The following DTNB variants were observed in gnomAD, a reference collection of about 807,000 sequenced individuals.
The protein encoded by DTNB is dystrobrevin beta, also known as DTN-B.
A neutral mutation model predicts 90.7 loss-of-function variants in DTNB; 63 were observed. The observed-to-expected ratio is 0.69, with a 90% CI of 0.57 to 0.86. The LOEUF is 0.86. DTNB is among the 40% of genes least tolerant of loss of function. The pLI, the probability that DTNB is intolerant of heterozygous loss-of-function variation, is 0.00. For missense variants in DTNB, 744 were observed against 807.1 expected (o/e 0.92, Z 0.95); for synonymous variants, 277 against 286.7 (o/e 0.97, Z 0.34).
intron 15 of DTNB, among the ~76,000 whole-genome samples, chr2:25,420,472 ATCT>A (rs1558447290): frequency 1.6e-3 from 66 of 40,228 alleles, no homozygotes; most frequent in African/African-American, 4.0e-3. Flanking sequence ...AAATCAATCT[ATCT>A]ATCTATCTAT....
At chr2:25,454,977 GT>G (rs766977625) in intron 11 of DTNB, among the ~76,000 whole-genome samples, 2 of 152,168 alleles carry the variant, frequency 1.3e-5, no homozygotes, top group Non-Finnish European at 2.9e-5. Flanking sequence ...TAGGGTGACA[GT>G]ATCAAAGTCC....
At chr2:25,457,326 T>C (rs1180327055) in intron 10 of DTNB, among the ~76,000 whole-genome samples, 2 of 152,276 alleles carry the variant, frequency 1.3e-5, no homozygotes, top group African/African-American at 4.8e-5. Context: ...TTTTGTTTGT[T>C]ATATATCCTG....
At chr2:25,432,711 T>G (rs1393245906) in intron 14 of DTNB, among the ~76,000 whole-genome samples, 175 bp downstream of exon 14, 3 of 152,194 alleles carry the variant, frequency 2.0e-5, no homozygotes, top group African/African-American at 7.2e-5. Context: ...TAGAGTGATC[T>G]CTAATGGAAC....
intron 9 of DTNB, among the ~76,000 whole-genome samples, chr2:25,486,907 A>G (rs1456280437): frequency 6.6e-6 from 1 of 152,196 alleles, no homozygotes. Flanking sequence ...TATAGGCACT[A>G]TTGAGTTTCA....
chr2:25,458,423 A>AG (rs1301436531), intron 10 of DTNB, among the ~76,000 whole-genome samples: 4 of 151,678 alleles, frequency 2.6e-5, no homozygotes, highest in Admixed American at 6.6e-5. Context: ...AAAAAAAAAA[A>AG]AGAGAGAGAG....
At chr2:25,670,438 G>A (rs532808000) in intron 1 of DTNB, among the ~76,000 whole-genome samples, 1 of 151,802 alleles carries the variant, frequency 6.6e-6, no homozygotes, top group African/African-American at 2.4e-5. Flanking sequence ...GAATAGTCTG[G>A]AAAGACCACA....
At chr2:25,399,590 C>T (rs2043206722) in intron 16 of DTNB, 1 of 79,980 alleles carries the variant, frequency 1.3e-5, no homozygotes, top group Non-Finnish European at 2.2e-5. Flanking sequence ...GTGATCTGCC[C>T]ACCTCAGCCT....
At chr2:25,540,271 C>A (rs772763106) in intron 8 of DTNB, among the ~76,000 whole-genome samples, 1 of 152,188 alleles carries the variant, frequency 6.6e-6, no homozygotes, top group African/African-American at 2.4e-5. Context: ...CCATTCCTTT[C>A]CATAACTGCG....
chr2:25,599,378 G>C (rs2065340583), intron 5 of DTNB, among the ~76,000 whole-genome samples: 1 of 149,474 alleles, frequency 6.7e-6, no homozygotes, highest in Non-Finnish European at 1.5e-5. Flanking sequence ...GTCTCACTTT[G>C]TTGCCCAGGC....
chr2:25,652,397 A>C (rs1251090711), intron 2 of DTNB, among the ~76,000 whole-genome samples, 197 bp downstream of exon 2: 3 of 152,164 alleles, frequency 2.0e-5, no homozygotes, highest in African/African-American at 7.2e-5. Context: ...GCCTTGTCTA[A>C]GAAAGCAAGT....
At chr2:25,442,554 C>G (rs2057665743) in intron 12 of DTNB, among the ~76,000 whole-genome samples, 1 of 152,230 alleles carries the variant, frequency 6.6e-6, no homozygotes, top group African/African-American at 2.4e-5. Context: ...CTTGTCAAAA[C>G]AGACAGAACT....
intron 10 of DTNB, among the ~76,000 whole-genome samples, chr2:25,474,453 A>G (rs767428889): frequency 2.0e-5 from 3 of 152,206 alleles, no homozygotes; most frequent in Non-Finnish European, 4.4e-5. Flanking sequence ...AAGAGAATCC[A>G]TGCACTGAGT....
intron 11 of DTNB, 114 bp from the exon 12 acceptor site, chr2:25,451,749 T>A: frequency 1.9e-6 from 2 of 1,051,020 alleles, no homozygotes; most frequent in Non-Finnish European, 2.6e-6. Flanking sequence ...ATAAAAGAAC[T>A]AGAGGCCTGG....
At chr2:25,620,839 C>T (rs1026754663) in intron 4 of DTNB, among the ~76,000 whole-genome samples, 5 of 152,128 alleles carry the variant, frequency 3.3e-5, no homozygotes, top group Non-Finnish European at 7.4e-5. Context: ...CCTGTTCACA[C>T]TGAGAAACAG....
intron 16 of DTNB, among the ~76,000 whole-genome samples, chr2:25,393,360 T>C (rs1265637705): frequency 6.6e-6 from 1 of 152,116 alleles, no homozygotes; most frequent in Non-Finnish European, 1.5e-5. Flanking sequence ...CTATTCAACA[T>C]AGTACTGGAA....
intron 9 of DTNB, among the ~76,000 whole-genome samples, chr2:25,485,863 C>A (rs762726709): frequency 2.0e-5 from 3 of 151,476 alleles, no homozygotes; most frequent in Non-Finnish European, 4.4e-5. Flanking sequence ...GTGGCTCATG[C>A]CTGTAATCTC....
intron 16 of DTNB, among the ~76,000 whole-genome samples, chr2:25,404,906 A>G (rs2044689542): frequency 6.6e-6 from 1 of 152,138 alleles, no homozygotes; most frequent in African/African-American, 2.4e-5. Flanking sequence ...CAACCCGTGG[A>G]AAATCCAACT....
chr2:25,555,512 A>C (rs192260594), intron 8 of DTNB, among the ~76,000 whole-genome samples: 1 of 152,298 alleles, frequency 6.6e-6, no homozygotes, highest in East Asian at 1.9e-4. Flanking sequence ...AAATAGCATA[A>C]CTTGATAAAC....
intron 14 of DTNB, among the ~76,000 whole-genome samples, chr2:25,431,033 C>A (rs943883055): frequency 6.6e-6 from 1 of 152,160 alleles, no homozygotes; most frequent in Admixed American, 6.6e-5. Flanking sequence ...CTGATCAAAA[C>A]CAGACAGATG....
Sources: gnomAD v4.1 joint callset for allele counts (sites outside exome capture counted in the v4.1 genomes callset) on GRCh38, gnomAD v4.1.1 for gene constraint, MANE v1.5 for transcripts, NCBI Gene and HGNC (gene_info 2026-07-23, HGNC 2026-07-21) for gene names.